Variants in SHISA9 observed in about 807,000 individuals in gnomAD.
The protein encoded by SHISA9 is protein shisa-9.
A neutral mutation model predicts 38.0 loss-of-function variants in SHISA9; 13 were observed. The observed-to-expected ratio is 0.34, with a 90% CI of 0.22 to 0.54. The LOEUF is 0.54. Among genes scored for constraint, SHISA9 ranks in the 20% least tolerant of loss-of-function variants. The pLI is 0.91. For synonymous variants in SHISA9, 275 were observed against 242.0 expected (o/e 1.14, Z -1.27); for missense variants, 538 against 575.8 (o/e 0.93, Z 0.67).
intron 2 of SHISA9, among the ~76,000 whole-genome samples, chr16:13,021,227 G>A (rs2072849984): frequency 6.6e-6 from 1 of 152,068 alleles, no homozygotes; most frequent in Non-Finnish European, 1.5e-5. Flanking sequence ...ATTTTTTATT[G>A]TTACCACTGG....
the SHISA9 span, among the ~76,000 whole-genome samples, chr16:13,357,587 C>T: frequency 1.3e-5 from 2 of 152,074 alleles, no homozygotes; most frequent in South Asian, 2.1e-4. Flanking sequence ...CATGCGCGTC[C>T]GTGTGAAGAG....
rs971352636 is a variant in SHISA9, at chr16:12,902,904, C to G, written c.563+277C>G. 1.1e-4 allele frequency: 41 copies of G among 383,596 alleles called. No homozygotes were observed. In the East Asian group the frequency reaches 2.0e-3, roughly 18 times the overall value. The allele number at this position is 383,596 out of a possible 1,614,324, so 23.8% of individuals were successfully genotyped here. ...CTCACCCTCTGGCCGCCTCCTCCCG[C>G]TGGTGACTGAGGCGGACTTGAGACA... On this transcript the variant is annotated intron_variant, in intron 1 of 4. Transcript: ENST00000558583.
the SHISA9 span, among the ~76,000 whole-genome samples, chr16:13,330,282 T>G: frequency 6.6e-6 from 1 of 152,236 alleles, no homozygotes; most frequent in South Asian, 2.1e-4. Flanking sequence ...AATTAATGTA[T>G]AGCATACTTA....
the SHISA9 span, among the ~76,000 whole-genome samples, chr16:13,280,103 TTCTC>T: frequency 0.017 from 2,500 of 146,510 alleles, 70 homozygotes; most frequent in African/African-American, 0.059. Context: ...AATTTGTATC[TTCTC>T]TCTCTTTCTC....
chr16:13,409,983 G>A, the SHISA9 span, among the ~76,000 whole-genome samples: 3 of 152,340 alleles, frequency 2.0e-5, no homozygotes, highest in African/African-American at 4.8e-5. Flanking sequence ...ACTGCTTAGC[G>A]CAGTGTCCCG....
intron 2 of SHISA9, among the ~76,000 whole-genome samples, chr16:13,177,944 A>C (rs1156815832): frequency 6.6e-6 from 1 of 152,216 alleles, no homozygotes; most frequent in Non-Finnish European, 1.5e-5. Context: ...CTGGGATTAC[A>C]AGCATGAGTC....
chr16:12,972,639 C>T (rs561926573), intron 2 of SHISA9, among the ~76,000 whole-genome samples: 12 of 151,950 alleles, frequency 7.9e-5, no homozygotes, highest in Admixed American at 2.0e-4. Context: ...CATTGACATG[C>T]GGGTAATGCA....
chr16:13,253,704 A>T, the SHISA9 span, among the ~76,000 whole-genome samples: 2 of 152,186 alleles, frequency 1.3e-5, no homozygotes, highest in Non-Finnish European at 2.9e-5. Flanking sequence ...CATGAGAATT[A>T]TGGGAGCTAA....
chr16:13,415,893 A>G, the SHISA9 span, among the ~76,000 whole-genome samples: 3 of 152,188 alleles, frequency 2.0e-5, no homozygotes, highest in African/African-American at 7.2e-5. Context: ...ATACTGGAAG[A>G]TTATATTTAT....
chr16:12,966,499 C>T (rs992862917), intron 2 of SHISA9, among the ~76,000 whole-genome samples: 8 of 152,192 alleles, frequency 5.3e-5, no homozygotes, highest in African/African-American at 1.7e-4. Context: ...AAGCAATCTT[C>T]CTGCCTCAGC....
intron 2 of SHISA9, among the ~76,000 whole-genome samples, chr16:12,925,922 C>T (rs575055911): frequency 5.5e-4 from 84 of 152,224 alleles, no homozygotes; most frequent in Non-Finnish European, 1.0e-3. Flanking sequence ...GATGGGGTCT[C>T]GCTATGTTGG....
chr16:13,208,433 C>CTTTTTTTTTT (rs148636082), intron 3 of SHISA9, among the ~76,000 whole-genome samples: 16 of 119,864 alleles, frequency 1.3e-4, no homozygotes, highest in East Asian at 9.4e-4. Flanking sequence ...CTTTCTTTTT[C>CTTTTTTTTTT]TTTTTTTTTC....
chr16:13,022,675 C>G (rs2072872750), intron 2 of SHISA9, among the ~76,000 whole-genome samples: 1 of 152,108 alleles, frequency 6.6e-6, no homozygotes, highest in African/African-American at 2.4e-5. Flanking sequence ...CTCTGTTGCC[C>G]AGGTTGGTCT....
chr16:13,368,240 C>G, the SHISA9 span, among the ~76,000 whole-genome samples: 1 of 152,078 alleles, frequency 6.6e-6, no homozygotes, highest in East Asian at 1.9e-4. Flanking sequence ...TTTTTCAACC[C>G]TTGGAGAGCT....
At chr16:13,311,371 T>C in the SHISA9 span, among the ~76,000 whole-genome samples, 1 of 152,190 alleles carries the variant, frequency 6.6e-6, no homozygotes, top group Admixed American at 6.5e-5. Flanking sequence ...ATTTCATTGT[T>C]TATTAGAAAT....
At chr16:12,916,874 A>T in intron 2 of SHISA9, 59 bp downstream of exon 2, 1 of 1,517,694 alleles carries the variant, frequency 6.6e-7, no homozygotes, top group South Asian at 1.3e-5. Context: ...CAGTGGTCAC[A>T]TTGCCAGATT....
At chr16:13,511,606 A>G in the SHISA9 span, among the ~76,000 whole-genome samples, 1 of 152,208 alleles carries the variant, frequency 6.6e-6, no homozygotes, top group African/African-American at 2.4e-5. Context: ...AAACAAAATC[A>G]GATAAGCCCC....
chr16:12,949,048 G>C (rs1040092944), intron 2 of SHISA9, among the ~76,000 whole-genome samples: 4 of 152,168 alleles, frequency 2.6e-5, no homozygotes, highest in African/African-American at 9.7e-5. Context: ...ATGGCTGTGT[G>C]GTAGGATGAG....
chr16:13,333,099 G>A, the SHISA9 span, among the ~76,000 whole-genome samples: 1 of 152,248 alleles, frequency 6.6e-6, no homozygotes, highest in Non-Finnish European at 1.5e-5. Context: ...AAGGGGGAAA[G>A]GGAATGGTTC....
Sources: gnomAD v4.1 joint callset for allele counts (sites outside exome capture counted in the v4.1 genomes callset) on GRCh38, gnomAD v4.1.1 for gene constraint, MANE v1.5 for transcripts, NCBI Gene and HGNC (gene_info 2026-07-23, HGNC 2026-07-21) for gene names.